CKM: variants seen among roughly 807,000 people sequenced by gnomAD.
CKM encodes the protein creatine kinase, M-type, also known as creatine kinase M-type.
A neutral mutation model predicts 35.4 loss-of-function variants in CKM; 28 were observed. That is an observed-to-expected ratio of 0.79 (90% CI 0.59 to 1.08). CKM has a LOEUF of 1.08. Ranked by LOEUF, CKM falls within the 50% of genes least tolerant of loss-of-function variation. CKM has a pLI of 0.00. For synonymous variants in CKM, 215 were observed against 204.4 expected (o/e 1.05, Z -0.44); for missense variants, 484 against 509.8 (o/e 0.95, Z 0.49).
chr19:45,311,972 G>T, intron 4 of CKM, 52 bp from the exon 5 acceptor site: 1 of 1,603,572 alleles, frequency 6.2e-7, no homozygotes, highest in Non-Finnish European at 8.5e-7. Context: ...CTCAACCAGG[G>T]TGTGGAGGCC....
chr19:45,311,880 G>C lies in CKM; in HGVS notation c.522C>G (p.Tyr174Ter). The C allele has an allele frequency of 6.2e-7, 1 of 1,614,072 alleles. No individual in the cohort carries two copies. Among genetic ancestry groups the C allele is most frequent in the Non-Finnish European group, 8.5e-7 (1 of 1,179,970 alleles). Residue 174 changes from tyrosine to a stop codon, truncating the protein, a stop_gained, in exon 5 of 8, where the codon TAC (tyrosine) becomes TAG (stop). Coordinates refer to ENST00000221476, the MANE Select transcript of CKM (RefSeq NM_001824.5). LOFTEE classifies it high-confidence loss of function. ...CCTTCTCCGTCATGCTCTTCAGAGG[G>C]TAGTACTTCCCTTTGAACTCGCCCG... ...SLTGEFKGKYYPLKSMTEKEQ... is the reference protein window; with the variant it reads ...SLTGEFKGKY
intron 4 of CKM, among the ~76,000 whole-genome samples, chr19:45,313,722 C>T (rs933251737): frequency 5.9e-5 from 9 of 152,116 alleles, no homozygotes; most frequent in African/African-American, 9.7e-5. Flanking sequence ...TGGCGCATGC[C>T]GGTGATCTCA....
intron 2 of CKM, among the ~76,000 whole-genome samples, chr19:45,318,475 T>G (rs1599819923): frequency 6.9e-6 from 1 of 144,148 alleles, no homozygotes; most frequent in Non-Finnish European, 1.5e-5. Context: ...CTGGGAGAGG[T>G]CAAGGTGGCT....
intron 1 of CKM, among the ~76,000 whole-genome samples, chr19:45,321,517 C>CGTAGGA (rs1371579769): frequency 6.6e-6 from 1 of 152,128 alleles, no homozygotes. Flanking sequence ...GAGCCTGCCC[C>CGTAGGA]GTAGGATTGC....
chr19:45,307,109 C>G (rs1032995033), intron 7 of CKM, among the ~76,000 whole-genome samples, 181 bp from the exon 8 acceptor site: 4 of 152,156 alleles, frequency 2.6e-5, no homozygotes, highest in African/African-American at 7.2e-5. Context: ...AGATGGGGTA[C>G]CACGCCACTC....
chr19:45,310,410 G>A (rs373148337), intron 5 of CKM, among the ~76,000 whole-genome samples: 2 of 150,640 alleles, frequency 1.3e-5, no homozygotes, highest in African/African-American at 4.9e-5. Flanking sequence ...GTGAGCCACC[G>A]CGCCTGGCCC....
At chr19:45,309,244 AAG>A (rs1971085033) in intron 5 of CKM, among the ~76,000 whole-genome samples, 2 of 147,412 alleles carry the variant, frequency 1.4e-5, no homozygotes, top group Admixed American at 6.8e-5. Flanking sequence ...AAAAAAAAAA[AAG>A]AACATAAAAT....
At chr19:45,314,737 G>T (rs1457642059) in intron 4 of CKM, among the ~76,000 whole-genome samples, 2 of 147,190 alleles carry the variant, frequency 1.4e-5, no homozygotes, top group Admixed American at 6.8e-5. Flanking sequence ...TTTGAGGCAG[G>T]TTCTCACTCT....
rs538759144 is a variant in CKM at position 45,317,820 on chromosome 19, C to T, written c.348+5G>A. On this transcript the variant is annotated splice_donor_5th_base_variant and intron_variant, in intron 3 of 7. Transcript: ENST00000221476. ...TCGGCCCTCCCCTCCTGCGCAGACA[C>T]CGACCTTGAGGTTTTCATGGTTGAG... is the stretch of plus-strand genomic sequence containing the variant. The T allele has an allele frequency of 1.9e-6, 3 of 1,613,948 alleles. No individual in the cohort carries two copies. Among genetic ancestry groups the T allele is most frequent in the African/African-American group, 2.7e-5 (2 of 74,886 alleles).
chr19:45,308,258 G>A, intron 6 of CKM, 151 bp downstream of exon 6: 1 of 931,258 alleles, frequency 1.1e-6, no homozygotes, highest in Non-Finnish European at 1.7e-6. Context: ...TGGGGGGCGG[G>A]GTTTGGCATG....
chr19:45,310,334 A>T (rs1398250417), intron 5 of CKM, among the ~76,000 whole-genome samples: 2 of 151,730 alleles, frequency 1.3e-5, no homozygotes, highest in Non-Finnish European at 2.9e-5. Context: ...GTTAGCCAGG[A>T]TGGTCTCGAT....
intron 3 of CKM, among the ~76,000 whole-genome samples, chr19:45,317,588 C>A (rs1971170775): frequency 2.0e-5 from 3 of 151,356 alleles, no homozygotes. Context: ...CCGTGCCCAG[C>A]CCTTTTTTTT....
At chr19:45,307,719 A>G in intron 6 of CKM, 69 bp from the exon 7 acceptor site, 1 of 1,293,150 alleles carries the variant, frequency 7.7e-7, no homozygotes, top group Admixed American at 1.8e-5. Context: ...CAACATGGAC[A>G]GGGTCCGGAG....
intron 5 of CKM, among the ~76,000 whole-genome samples, chr19:45,309,607 A>G (rs915432969): frequency 8.0e-5 from 12 of 150,866 alleles, no homozygotes; most frequent in African/African-American, 2.9e-4. Context: ...CACGCTTGTA[A>G]TCCCAGCACT....
chr19:45,319,800 T>C lies in CKM; in HGVS notation c.-18-69A>G. 13 of 1,350,680 alleles carry C rather than the reference T, an allele frequency of 9.6e-6. 1 individual carries two copies. The highest frequency in any genetic ancestry group is 2.6e-4 in the Middle Eastern group (1 of 3,842). The allele number at this position is 1,350,680 out of a possible 1,614,324, so 83.7% of individuals were successfully genotyped here. A position where few individuals can be genotyped will look rare whatever the true frequency, so the allele number is the denominator to read the frequency against. ...TCTTTTTTCTTCTTCTTCTTCTTTT[T>C]TTTTTTTTGAGACGGAGTCTCGCTC... is the stretch of plus-strand genomic sequence containing the variant. On this transcript the variant is annotated intron_variant, in intron 1 of 7. Coordinates refer to ENST00000221476, the MANE Select transcript of CKM (RefSeq NM_001824.5).
rs376961493 is a variant in CKM at position 45,315,849 on chromosome 19, C to CTTTTTTTTTTTTTT, written c.349-253_349-252insAAAAAAAAAAAAAA. 2.3e-3 allele frequency among the ~76,000 whole-genome samples: 309 copies of CTTTTTTTTTTTTTT among 135,612 alleles called. 15 individuals are homozygous for CTTTTTTTTTTTTTT. Among genetic ancestry groups the CTTTTTTTTTTTTTT allele is most frequent in the Non-Finnish European group, 2.7e-3 (169 of 63,384 alleles). The allele number at this position is 135,612 out of a possible 152,430, so 89.0% of individuals were successfully genotyped here. A position where few individuals can be genotyped will look rare whatever the true frequency, so the allele number is the denominator to read the frequency against. ...TCCCCATCTTCGTATATTTCTTTTCCTTTTTTTTCTTCGAGACAGGGTCTC... is the reference window on the plus strand; with the variant it reads ...TCCCCATCTTCGTATATTTCTTTTCCTTTTTTTTTTTTTTTTTTTTTTCTTCGAGACAGGGTCTC... On this transcript the variant is annotated intron_variant, in intron 3 of 7. Transcript: ENST00000221476.
chr19:45,318,086 G>A, intron 2 of CKM, 107 bp from the exon 3 acceptor site: 2 of 881,732 alleles, frequency 2.3e-6, no homozygotes, highest in South Asian at 3.0e-5. Context: ...ATGGGGGCGG[G>A]TACATTCAAT....
chr19:45,308,574 C>T (rs1451992640), intron 5 of CKM, 42 bp from the exon 6 acceptor site: 5 of 1,605,608 alleles, frequency 3.1e-6, no homozygotes, highest in Admixed American at 1.7e-5. Flanking sequence ...GTGTCAGCCC[C>T]GTGGGAACCC....
chr19:45,319,830 A>C, intron 1 of CKM, 99 bp from the exon 2 acceptor site: 1 of 1,021,064 alleles, frequency 9.8e-7, no homozygotes, highest in Non-Finnish European at 1.5e-6. Flanking sequence ...TCGCTCTGTC[A>C]CCCAGGCTGG....
Sources: gnomAD v4.1 joint callset for allele counts (sites outside exome capture counted in the v4.1 genomes callset) on GRCh38, gnomAD v4.1.1 for gene constraint, MANE v1.5 for transcripts, NCBI Gene and HGNC (gene_info 2026-07-23, HGNC 2026-07-21) for gene names.